EBF2: variants seen among roughly 807,000 people sequenced by gnomAD.
EBF2 encodes the protein EBF transcription factor 2, also known as transcription factor COE2.
Under a neutral mutation model 72.8 loss-of-function variants are expected in EBF2, and 21 were observed. The observed-to-expected ratio is 0.29, with a 90% CI of 0.20 to 0.42. The LOEUF is 0.42. EBF2 is among the 10% of genes least tolerant of loss of function. EBF2 has a pLI of 1.00. For missense variants in EBF2, 637 were observed against 731.2 expected (o/e 0.87, Z 1.49); for synonymous variants, 299 against 274.2 (o/e 1.09, Z -0.89).
intron 15 of EBF2, among the ~76,000 whole-genome samples, chr8:25,848,467 C>T (rs909131551): frequency 6.6e-6 from 1 of 152,138 alleles, no homozygotes; most frequent in Non-Finnish European, 1.5e-5. Flanking sequence ...CCTTCCAGCT[C>T]TTTGGGCTGG....
At chr8:25,930,508 T>C (rs557438883) in intron 6 of EBF2, among the ~76,000 whole-genome samples, 74 of 152,306 alleles carry the variant, frequency 4.9e-4, no homozygotes, top group Admixed American at 4.3e-3. Flanking sequence ...CATTAAAATC[T>C]TGTTGATTGA....
rs145995692 is a variant in EBF2, at chr8:25,932,972, C to A, written c.552-24417G>T. Among the ~76,000 whole-genome samples, 512 of 151,950 alleles carry A rather than the reference C, an allele frequency of 3.4e-3. 5 individuals carry two copies. The highest frequency in any genetic ancestry group is 0.012 in the African/African-American group (484 of 41,414). ...CACTGTTGCAAAATTATTTGAATACCAAAAGGTATATTCAAACTCAGTGAA... is the reference window on the plus strand; with the variant it reads ...CACTGTTGCAAAATTATTTGAATACAAAAAGGTATATTCAAACTCAGTGAA... On this transcript the variant is annotated intron_variant, in intron 6 of 15. Transcript: ENST00000520164.
intron 6 of EBF2, among the ~76,000 whole-genome samples, chr8:25,945,748 G>C (rs1314688024): frequency 6.6e-6 from 1 of 151,898 alleles, no homozygotes; most frequent in Non-Finnish European, 1.5e-5. Context: ...GAGGGAAGGT[G>C]GTTCTGATTC....
At position 26,045,001 on chromosome 8, in the gene EBF2, A is replaced by G; in HGVS notation, c.-142T>C. 1.1e-6 allele frequency: 1 copy of G among 883,772 alleles called. No individual in the cohort carries two copies. Among genetic ancestry groups the G allele is most frequent in the Non-Finnish European group, 1.7e-6 (1 of 597,194 alleles). The allele number at this position is 883,772 out of a possible 1,614,324, so 54.7% of individuals were successfully genotyped here. ...AGTGCCCAAGTTTGAGTCTTAGAAA[A>G]AAAAAAAAGATAACCCGTCCTTTGC... is the stretch of plus-strand genomic sequence containing the variant. On this transcript the variant is annotated 5_prime_UTR_variant, in exon 1 of 16. Transcript: ENST00000520164.
At chr8:26,036,798 A>G (rs541775328) in intron 5 of EBF2, among the ~76,000 whole-genome samples, 15 of 152,320 alleles carry the variant, frequency 9.8e-5, no homozygotes, top group African/African-American at 3.6e-4. Context: ...CTTCAGGTTC[A>G]GCTACTTTAG....
chr8:26,021,412 C>A (rs1050557986), intron 6 of EBF2, among the ~76,000 whole-genome samples: 1 of 152,134 alleles, frequency 6.6e-6, no homozygotes, highest in Non-Finnish European at 1.5e-5. Context: ...AATAAAGGAG[C>A]CATAGCATAT....
chr8:25,977,011 ACAAG>A (rs777414144), intron 6 of EBF2, among the ~76,000 whole-genome samples: 1 of 152,214 alleles, frequency 6.6e-6, no homozygotes, highest in Non-Finnish European at 1.5e-5. Context: ...TGCAGCAGTG[ACAAG>A]CTTCAGTCTC....
intron 14 of EBF2, among the ~76,000 whole-genome samples, chr8:25,855,916 G>A (rs1478842536): frequency 6.6e-6 from 1 of 152,106 alleles, no homozygotes; most frequent in African/African-American, 2.4e-5. Flanking sequence ...CTCCCAGTTG[G>A]GCAGGTTGCC....
chr8:25,859,276 C>T (rs1191808112), intron 13 of EBF2, among the ~76,000 whole-genome samples: 1 of 152,166 alleles, frequency 6.6e-6, no homozygotes, highest in Non-Finnish European at 1.5e-5. Flanking sequence ...CTAGTGTTTG[C>T]CAAATTTAAC....
At position 25,896,460 on chromosome 8, in the gene EBF2, C is replaced by T. The variant is rs903346235; in HGVS notation, c.634-6591G>A. Among the ~76,000 whole-genome samples the T allele has an allele frequency of 3.3e-5, 5 of 152,198 alleles. No individual in the cohort carries two copies. In the South Asian group the frequency reaches 6.2e-4, roughly 19 times the overall value. On this transcript the variant is annotated intron_variant, in intron 7 of 15. Transcript: ENST00000520164. ...TACACTCAGCTAAATAAAATGGTCT[C>T]GAAAATTCCTGTTATTTTGCCAAGA...
At chr8:25,968,100 T>C (rs992104355) in intron 6 of EBF2, among the ~76,000 whole-genome samples, 1 of 151,986 alleles carries the variant, frequency 6.6e-6, no homozygotes, top group Non-Finnish European at 1.5e-5. Context: ...TTTCTGCACA[T>C]AGGTGGGCTA....
chr8:26,040,492 G>C lies in EBF2; in HGVS notation c.408+124C>G. The stretch of plus-strand genomic sequence containing the variant: ...GCAGACAAGGTGCTGGGAGGGGGAC[G>C]TGGAGGGGGCTGTGGAGTCTGACCC... On this transcript the variant is annotated intron_variant, in intron 4 of 15. Transcript: ENST00000520164. The C allele has an allele frequency of 4.7e-6, 4 of 844,432 alleles. No individual in the cohort carries two copies. The South Asian group carries it at 7.2e-5, about 15-fold the overall frequency. The allele number at this position is 844,432 out of a possible 1,614,324, so 52.3% of individuals were successfully genotyped here. A position where few individuals can be genotyped will look rare whatever the true frequency, so the allele number is the denominator to read the frequency against.
chr8:25,996,399 T>A (rs1804632175), intron 6 of EBF2, among the ~76,000 whole-genome samples: 1 of 152,082 alleles, frequency 6.6e-6, no homozygotes, highest in South Asian at 2.1e-4. Context: ...TCACTTTTTC[T>A]AACCAAACTG....
intron 10 of EBF2, among the ~76,000 whole-genome samples, chr8:25,882,094 C>G (rs917339142): frequency 6.6e-6 from 1 of 152,174 alleles, no homozygotes; most frequent in Non-Finnish European, 1.5e-5. Flanking sequence ...TCTAATTGAG[C>G]TGAGTAACAC....
At chr8:25,922,451 A>G (rs1456562012) in intron 6 of EBF2, among the ~76,000 whole-genome samples, 3 of 152,232 alleles carry the variant, frequency 2.0e-5, no homozygotes, top group Non-Finnish European at 4.4e-5. Context: ...TTAAGATCAT[A>G]TAATAAGGAT....
intron 7 of EBF2, among the ~76,000 whole-genome samples, chr8:25,894,722 A>C (rs981790495): frequency 6.6e-6 from 1 of 152,316 alleles, no homozygotes; most frequent in Non-Finnish European, 1.5e-5. Flanking sequence ...CAAGGTCAAC[A>C]TTTCTTACCA....
intron 6 of EBF2, among the ~76,000 whole-genome samples, chr8:25,944,668 T>C (rs1803735301): frequency 6.8e-6 from 1 of 147,982 alleles, no homozygotes; most frequent in African/African-American, 2.5e-5. Flanking sequence ...TATAATTACA[T>C]ATTGTATATT....
intron 6 of EBF2, among the ~76,000 whole-genome samples, chr8:26,015,505 C>A (rs1805095403): frequency 2.0e-5 from 3 of 152,202 alleles, no homozygotes; most frequent in Admixed American, 1.3e-4. Flanking sequence ...TTAACTGAAT[C>A]AACAGCCTTG....
chr8:25,846,211 C>T (rs1235144278), intron 15 of EBF2, among the ~76,000 whole-genome samples: 1 of 151,716 alleles, frequency 6.6e-6, no homozygotes, highest in East Asian at 1.9e-4. Context: ...AGTAATTATC[C>T]CAGAGTGTAG....
Sources: gnomAD v4.1 joint callset for allele counts (sites outside exome capture counted in the v4.1 genomes callset) on GRCh38, gnomAD v4.1.1 for gene constraint, MANE v1.5 for transcripts, NCBI Gene and HGNC (gene_info 2026-07-23, HGNC 2026-07-21) for gene names.